DSCAML1: variants seen among roughly 807,000 people sequenced by gnomAD.
The protein encoded by DSCAML1 is cell adhesion molecule DSCAML1.
DSCAML1 carries 38 observed loss-of-function variants against 200.5 expected under a neutral mutation model. That is an observed-to-expected ratio of 0.19 (90% CI 0.15 to 0.25). DSCAML1 has a LOEUF of 0.25. Ranked by LOEUF, DSCAML1 falls within the 10% of genes least tolerant of loss-of-function variation. DSCAML1 has a pLI of 1.00. For synonymous variants in DSCAML1, 1,215 were observed against 1,165.0 expected, an observed-to-expected ratio of 1.04 and a Z score of -0.87; for missense variants, 2,223 against 2,858.8, an observed-to-expected ratio of 0.78 and a Z score of 5.07.
intron 3 of DSCAML1, among the ~76,000 whole-genome samples, chr11:117,538,331 G>A (rs1319198999): frequency 6.6e-6 from 1 of 152,212 alleles, no homozygotes; most frequent in Admixed American, 6.5e-5. Context: ...CAGGGCTGTT[G>A]GGAGGATTAA....
Position 117,428,533 on chromosome 11 carries a change from G to C in DSCAML1, c.5957C>G (p.Pro1986Arg). 1 of 1,493,078 alleles carries C rather than the reference G, an allele frequency of 6.7e-7. No homozygotes were observed. The highest frequency in any genetic ancestry group is 9.1e-7 in the Non-Finnish European group (1 of 1,102,582). The allele number at this position is 1,493,078 out of a possible 1,614,324, so 92.5% of individuals were successfully genotyped here. Residue 1986 changes from proline to arginine, a missense_variant, in exon 33 of 33, where the codon CCA becomes CGA. Transcript: ENST00000651296. ...MPAPPAGTAP[P>R]APGPTPAEPP... ...CTCAGCAGGGGTGGGGCCGGGGGCT[G>C]GGGGGGCTGTGCCGGCTGGGGGGGC...
chr11:117,489,188 C>T lies in DSCAML1; in HGVS notation c.2360-7026G>A, dbSNP rs1053455942. 2.0e-5 allele frequency among the ~76,000 whole-genome samples: 3 copies of T among 152,206 alleles called. No individual in the cohort carries two copies. Among genetic ancestry groups the T allele is most frequent in the African/African-American group, 7.2e-5 (3 of 41,446 alleles). On this transcript the variant is annotated intron_variant, in intron 11 of 32. Transcript: ENST00000651296. The surrounding 1 kb of genome is among the most constrained non-coding windows in gnomAD (Gnocchi z 4.8). ...TTTTGGAAATGGAATTTGGCTGTCA[C>T]CAAAAAGCTGTGGCCTCTGCGGCGG... is the stretch of plus-strand genomic sequence containing the variant.
chr11:117,519,164 C>A (rs941151025), intron 6 of DSCAML1, among the ~76,000 whole-genome samples: 1 of 152,204 alleles, frequency 6.6e-6, no homozygotes, highest in Non-Finnish European at 1.5e-5. Context: ...ATGCTGCTTC[C>A]TCTCAACTCT....
At chr11:117,690,304 T>C (rs73594696) in intron 3 of DSCAML1, among the ~76,000 whole-genome samples, 10,850 of 152,312 alleles carry the variant, frequency 0.071, 434 homozygotes, top group African/African-American at 0.076. Context: ...GCCCAGTATG[T>C]CCAATCCCAG....
intron 3 of DSCAML1, among the ~76,000 whole-genome samples, chr11:117,673,582 A>T (rs1462394726): frequency 6.6e-6 from 1 of 152,180 alleles, no homozygotes; most frequent in Non-Finnish European, 1.5e-5. Flanking sequence ...AGAGAGATGA[A>T]GGTTTACTTG....
chr11:117,627,070 A>G (rs1173018013), intron 3 of DSCAML1, among the ~76,000 whole-genome samples: 1 of 152,206 alleles, frequency 6.6e-6, no homozygotes, highest in East Asian at 1.9e-4. Context: ...CTCGAATGGT[A>G]TAGGTCATTA....
chr11:117,524,783 A>C (rs1448245136), intron 5 of DSCAML1, 22 bp downstream of exon 5: 1 of 1,559,452 alleles, frequency 6.4e-7, no homozygotes, highest in Non-Finnish European at 8.7e-7. Flanking sequence ...CTGGGGCTGC[A>C]GAAGGGGCTT....
At chr11:117,734,846 A>C (rs1043660986) in intron 3 of DSCAML1, among the ~76,000 whole-genome samples, 1 of 152,234 alleles carries the variant, frequency 6.6e-6, no homozygotes, top group Non-Finnish European at 1.5e-5. Context: ...GCTGGGATTC[A>C]GAGGATAAGG....
chr11:117,679,618 C>T (rs904381715), intron 3 of DSCAML1, among the ~76,000 whole-genome samples: 1 of 152,178 alleles, frequency 6.6e-6, no homozygotes, highest in Non-Finnish European at 1.5e-5. Flanking sequence ...CTCCTGGGGG[C>T]CCTGGGCCTC....
At chr11:117,817,241 G>T (rs1287793073) in intron 1 of DSCAML1, 1 of 152,356 alleles carries the variant, frequency 6.6e-6, no homozygotes, top group Non-Finnish European at 1.5e-5. Context: ...GCACTTCTGG[G>T]CCTGGGGGCT....
chr11:117,650,700 T>TGTGTGTGTGC (rs147584706), intron 3 of DSCAML1, among the ~76,000 whole-genome samples: 12 of 147,350 alleles, frequency 8.1e-5, no homozygotes, highest in South Asian at 2.2e-4. Flanking sequence ...TGTGTGTGTG[T>TGTGTGTGTGC]GCGTGTGTGT....
At chr11:117,647,431 T>A (rs1313781121) in intron 3 of DSCAML1, among the ~76,000 whole-genome samples, 2 of 152,166 alleles carry the variant, frequency 1.3e-5, no homozygotes, top group Non-Finnish European at 2.9e-5. Context: ...CTGCTCAGGT[T>A]GTCACTTAGC....
At position 117,437,390 on chromosome 11, in the gene DSCAML1, G is replaced by A; in HGVS notation, c.4452C>T (p.Asp1484=). Reference sequence around the variant, plus strand: ...AGTTGATGTGGGTGAAGAGGTGTTGGTCTTTGCTGAAGGAGGGCTCTGGCA... The same window carrying A: ...AGTTGATGTGGGTGAAGAGGTGTTGATCTTTGCTGAAGGAGGGCTCTGGCA... The part of the protein sequence containing the change: ...THGREPSFSK[D]QHLFTHINST... The change falls in exon 26 of 33, where the codon GAC becomes GAT. Residue 1484 remains aspartate (D), a synonymous_variant. Coordinates refer to ENST00000651296, the MANE Select transcript of DSCAML1 (RefSeq NM_020693.4). The surrounding 1 kb of genome is among the most constrained non-coding windows in gnomAD (Gnocchi z 5.3). The A allele has an allele frequency of 1.2e-6, 2 of 1,612,592 alleles. No individual in the cohort carries two copies. Among genetic ancestry groups the A allele is most frequent in the South Asian group, 2.2e-5 (2 of 91,074 alleles).
chr11:117,439,714 G>A (rs1337168594), intron 22 of DSCAML1, 105 bp downstream of exon 22: 5 of 1,119,496 alleles, frequency 4.5e-6, no homozygotes, highest in Non-Finnish European at 6.6e-6. Flanking sequence ...AGGCCTGGAG[G>A]CAACCGGGTC....
chr11:117,451,611 G>A (rs909875882), intron 19 of DSCAML1, among the ~76,000 whole-genome samples: 2 of 152,162 alleles, frequency 1.3e-5, no homozygotes, highest in Non-Finnish European at 2.9e-5. Flanking sequence ...ATCCCCCGAG[G>A]TCAGGAGTTT....
intron 3 of DSCAML1, among the ~76,000 whole-genome samples, chr11:117,760,460 T>C (rs1269999695): frequency 1.3e-5 from 2 of 152,260 alleles, no homozygotes; most frequent in Non-Finnish European, 2.9e-5. Flanking sequence ...TTTCAAACTT[T>C]GTACAAATGG....
chr11:117,636,981 C>T (rs1303347887), intron 3 of DSCAML1, among the ~76,000 whole-genome samples: 1 of 152,170 alleles, frequency 6.6e-6, no homozygotes, highest in Non-Finnish European at 1.5e-5. Flanking sequence ...ACACCTTACT[C>T]TATGCTGGTT....
Position 117,428,369 on chromosome 11 carries a change from GCTTCTGAGA to G in DSCAML1, c.6112_6120del (p.Ser2038_Lys2040del). On this transcript the variant is annotated inframe_deletion, in exon 33 of 33. Coordinates refer to ENST00000651296, the MANE Select transcript of DSCAML1 (RefSeq NM_020693.4). Reference sequence around the variant, plus strand: ...GATTTGGAGTAGGCCCCGGCCCCCTGCTTCTGAGACCTCCCTACCCCCGATGTGCTCATC... The same window carrying G: ...GATTTGGAGTAGGCCCCGGCCCCCTGCCTCCCTACCCCCGATGTGCTCATC... 1 of 1,591,220 alleles carries G rather than the reference GCTTCTGAGA, an allele frequency of 6.3e-7. No individual in the cohort carries two copies. Among genetic ancestry groups the G allele is most frequent in the Non-Finnish European group, 8.6e-7 (1 of 1,169,296 alleles).
chr11:117,663,618 A>G (rs1181260524), intron 3 of DSCAML1, among the ~76,000 whole-genome samples: 1 of 151,980 alleles, frequency 6.6e-6, no homozygotes, highest in African/African-American at 2.4e-5. Flanking sequence ...CATCGCCGCC[A>G]AGTGCCCGGC....
Sources: allele counts gnomAD v4.1 joint callset (sites outside exome capture counted in the v4.1 genomes callset), GRCh38; gene constraint gnomAD v4.1.1; non-coding constraint Gnocchi (gnomAD v3.1); transcripts MANE v1.5; gene names NCBI Gene and HGNC (gene_info 2026-07-23, HGNC 2026-07-21).